Variants in DCT observed in about 807,000 individuals in gnomAD.
DCT encodes the protein dopachrome tautomerase, also known as L-dopachrome tautomerase.
Under a neutral mutation model 53.0 loss-of-function variants are expected in DCT, and 47 were observed. The ratio of observed to expected loss-of-function variants is 0.89; its 90% CI spans 0.70 to 1.13. DCT has a LOEUF of 1.13. Ranked by LOEUF, DCT falls within the 50% of genes most tolerant of loss-of-function variation. The pLI, the probability that DCT is intolerant of heterozygous loss-of-function variation, is 0.00. For synonymous variants in DCT, 244 were observed against 237.0 expected (o/e 1.03, Z -0.27); for missense variants, 669 against 637.4 (o/e 1.05, Z -0.53).
chr13:94,467,598 C>T (rs1884309106), intron 2 of DCT: 1 of 152,112 alleles, frequency 6.6e-6, no homozygotes, highest in Admixed American at 6.5e-5. Flanking sequence ...CAGATGCTTA[C>T]CTGTAAGGCA....
the DCT span, among the ~76,000 whole-genome samples, chr13:94,504,059 A>T: frequency 6.6e-6 from 1 of 152,242 alleles, no homozygotes; most frequent in Non-Finnish European, 1.5e-5. Context: ...AAACATTAGT[A>T]CATCTTAATC....
Position 94,455,141 on chromosome 13 carries a change from G to A in DCT, c.1179+4950C>T, listed in dbSNP as rs560357203. On this transcript the variant is annotated intron_variant, in intron 6 of 7. Transcript: ENST00000377028. ...GGTGACTCACCCAGTGCTTTGGGAG[G>A]CCAAGGTGGGAGGATTGCTTGAGGC... is the stretch of plus-strand genomic sequence containing the variant. Among the ~76,000 whole-genome samples, 5 of 152,254 alleles carry A rather than the reference G, an allele frequency of 3.3e-5. No individual in the cohort carries two copies. The South Asian group carries it at 1.0e-3, about 32-fold the overall frequency.
rs572851996 is a variant in DCT at position 94,463,570 on chromosome 13, G to A, written c.864-1381C>T. ...CTCCCAAAGTGCTGAGATTACAGGCGTGAGCCACCGTGCCCAGCTAGGCTA... is the reference window on the plus strand; with the variant it reads ...CTCCCAAAGTGCTGAGATTACAGGCATGAGCCACCGTGCCCAGCTAGGCTA... On this transcript the variant is annotated intron_variant, in intron 4 of 7. Coordinates refer to ENST00000377028, the MANE Select transcript of DCT (RefSeq NM_001922.5). Among the ~76,000 whole-genome samples the A allele has an allele frequency of 3.4e-4, 52 of 151,982 alleles. 1 individual carries two copies. The South Asian group carries it at 0.01, about 30-fold the overall frequency.
chr13:94,535,501 A>G, the DCT span, among the ~76,000 whole-genome samples: 4 of 152,208 alleles, frequency 2.6e-5, no homozygotes, highest in Non-Finnish European at 5.9e-5. Flanking sequence ...TCAGATAAGG[A>G]TGCTTCAAGA....
the DCT span, among the ~76,000 whole-genome samples, chr13:94,517,355 C>T: frequency 6.6e-6 from 1 of 152,210 alleles, no homozygotes; most frequent in Non-Finnish European, 1.5e-5. Flanking sequence ...GACTTCATCT[C>T]TAGTGAATTC....
At chr13:94,443,773 C>A (rs79782058) in intron 6 of DCT, 136 bp from the exon 7 acceptor site, 34 of 666,612 alleles carry the variant, frequency 5.1e-5, no homozygotes, top group Non-Finnish European at 7.8e-5. Context: ...TGGAATACCC[C>A]CTTCTGTGTA....
At position 94,443,549 on chromosome 13, in the gene DCT, G is replaced by A. The variant is rs1882499396; in HGVS notation, c.1268C>T (p.Pro423Leu). 5.0e-6 allele frequency: 8 copies of A among 1,613,956 alleles called. No homozygotes were observed. Among genetic ancestry groups the A allele is most frequent in the Non-Finnish European group, 6.8e-6 (8 of 1,179,866 alleles). ...GTTGTACATCCGATTGTGACCAATA[G>A]GGGCCAGCTCCTGAGGCCAGGCATC... ...PADAWPQELA[P>L]IGHNRMYNMV... Residue 423 changes from proline to leucine, a missense_variant, in exon 7 of 8, where the codon CCT (proline) becomes CTT (leucine). Pro to Leu is a moderately conservative substitution (Grantham distance 98). Coordinates refer to ENST00000377028, the MANE Select transcript of DCT (RefSeq NM_001922.5).
chr13:94,519,922 T>C, the DCT span, among the ~76,000 whole-genome samples: 1 of 152,330 alleles, frequency 6.6e-6, no homozygotes, highest in African/African-American at 2.4e-5. Flanking sequence ...AAATACATAT[T>C]GAGTTCTAAG....
intron 4 of DCT, 69 bp downstream of exon 4, chr13:94,465,564 T>G: frequency 4.1e-6 from 6 of 1,451,358 alleles, no homozygotes; most frequent in Non-Finnish European, 1.9e-6. Context: ...ATAAAGTGAC[T>G]TCTCCTCCAT....
At chr13:94,519,299 T>C in the DCT span, among the ~76,000 whole-genome samples, 1 of 152,200 alleles carries the variant, frequency 6.6e-6, no homozygotes, top group Admixed American at 6.5e-5. Context: ...TCATTCCTGG[T>C]GACTCTCCAG....
the DCT span, among the ~76,000 whole-genome samples, chr13:94,531,009 G>A: frequency 6.6e-6 from 1 of 152,120 alleles, no homozygotes; most frequent in Admixed American, 6.5e-5. Flanking sequence ...GACAAAAAGA[G>A]AGTCAAATCA....
At chr13:94,486,511 C>T in the DCT span, among the ~76,000 whole-genome samples, 1 of 152,258 alleles carries the variant, frequency 6.6e-6, no homozygotes, top group East Asian at 1.9e-4. Context: ...AAGCCATCAG[C>T]CTGCATTAGG....
chr13:94,476,196 T>C (rs1885070488), intron 1 of DCT, among the ~76,000 whole-genome samples: 1 of 147,140 alleles, frequency 6.8e-6, no homozygotes, highest in African/African-American at 2.5e-5. Context: ...TTTTTTTTTT[T>C]TTTTTTTTTT....
At chr13:94,521,122 C>A in the DCT span, among the ~76,000 whole-genome samples, 1 of 152,152 alleles carries the variant, frequency 6.6e-6, no homozygotes, top group Non-Finnish European at 1.5e-5. Context: ...TGCCTGGTTT[C>A]AAATGCCAGC....
the DCT span, among the ~76,000 whole-genome samples, chr13:94,499,478 G>GTGTGTGTT: frequency 2.0e-5 from 3 of 151,968 alleles, no homozygotes; most frequent in African/African-American, 7.3e-5. Context: ...GTGTGTGTGT[G>GTGTGTGTT]TGTGCGTTCT....
the DCT span, among the ~76,000 whole-genome samples, chr13:94,501,130 G>A: frequency 3.7e-4 from 56 of 152,184 alleles, no homozygotes; most frequent in African/African-American, 1.1e-3. Context: ...TTAGCTGGGC[G>A]TGGTGGCGGG....
the DCT span, among the ~76,000 whole-genome samples, chr13:94,491,187 A>T: frequency 1.3e-5 from 2 of 152,170 alleles, no homozygotes; most frequent in Admixed American, 6.6e-5. Flanking sequence ...AAAATTTATC[A>T]TCTCACGGTC....
the DCT span, among the ~76,000 whole-genome samples, chr13:94,499,461 A>AGT: frequency 9.9e-6 from 1 of 100,792 alleles, no homozygotes; most frequent in Non-Finnish European, 2.1e-5. Flanking sequence ...TGTGCATGAG[A>AGT]GTGAGTGTGT....
chr13:94,511,259 A>G, the DCT span, among the ~76,000 whole-genome samples: 27 of 151,856 alleles, frequency 1.8e-4, no homozygotes, highest in African/African-American at 6.0e-4. Context: ...GATTCCTCCA[A>G]TACACCCTGC....
Sources: gnomAD v4.1 joint callset for allele counts (sites outside exome capture counted in the v4.1 genomes callset) on GRCh38, gnomAD v4.1.1 for gene constraint, MANE v1.5 for transcripts, NCBI Gene and HGNC (gene_info 2026-07-23, HGNC 2026-07-21) for gene names.